Variants in PRKG1 observed in about 807,000 individuals in gnomAD.
PRKG1 encodes cGMP-dependent protein kinase 1.
A neutral mutation model predicts 88.1 loss-of-function variants in PRKG1; 35 were observed. The ratio of observed to expected loss-of-function variants is 0.40; its 90% confidence interval spans 0.30 to 0.53. The LOEUF is 0.53. PRKG1 is among the 20% of genes least tolerant of loss of function. PRKG1 has a pLI of 0.59. For missense variants in PRKG1, 540 were observed against 839.8 expected, an observed-to-expected ratio of 0.64 and a Z score of 4.41; for synonymous variants, 303 against 292.5, an observed-to-expected ratio of 1.04 and a Z score of -0.37.
At chr10:52,092,083 G>GATTTAAC (rs1477074221) in intron 7 of PRKG1, among the ~76,000 whole-genome samples, 186 of 152,180 alleles carry the variant, frequency 1.2e-3, no homozygotes, top group African/African-American at 4.2e-3. Context: ...TTAACTTGTG[G>GATTTAAC]TTCCTATATT....
chr10:51,721,230 A>AG (rs1350230004), intron 3 of PRKG1, among the ~76,000 whole-genome samples: 13 of 146,032 alleles, frequency 8.9e-5, no homozygotes, highest in Admixed American at 4.7e-4. Context: ...AAAAAAAAAA[A>AG]AAGAAAAAAA....
intron 3 of PRKG1, among the ~76,000 whole-genome samples, chr10:51,723,767 T>C (rs1470906531): frequency 6.6e-6 from 1 of 152,200 alleles, no homozygotes; most frequent in African/African-American, 2.4e-5. Context: ...AAACCTCAAA[T>C]GTTGAAATCC....
At chr10:51,427,668 A>G (rs1347265095) in intron 2 of PRKG1, among the ~76,000 whole-genome samples, 2 of 152,182 alleles carry the variant, frequency 1.3e-5, no homozygotes, top group African/African-American at 2.4e-5. Flanking sequence ...GGTGCTTACT[A>G]GAGCCCTGCT....
chr10:51,122,173 C>T (rs183711536), intron 1 of PRKG1, among the ~76,000 whole-genome samples: 7 of 152,288 alleles, frequency 4.6e-5, no homozygotes, highest in East Asian at 3.9e-4. Context: ...TAGCCTTCTT[C>T]GGAAGTCCCT....
At chr10:51,890,541 T>C (rs1187334996) in intron 4 of PRKG1, among the ~76,000 whole-genome samples, 1 of 152,242 alleles carries the variant, frequency 6.6e-6, no homozygotes, top group East Asian at 1.9e-4. Flanking sequence ...TTAGTACATA[T>C]GATAGTTAAA....
At chr10:51,743,633 T>TA (rs1837492464) in intron 3 of PRKG1, among the ~76,000 whole-genome samples, 4 of 65,948 alleles carry the variant, frequency 6.1e-5, no homozygotes, top group East Asian at 3.2e-4. Flanking sequence ...TTTAATTTAT[T>TA]TTATATATAT....
intron 2 of PRKG1, among the ~76,000 whole-genome samples, chr10:51,341,966 C>T (rs146334798): frequency 1.5e-3 from 230 of 152,158 alleles, no homozygotes; most frequent in African/African-American, 5.3e-3. Flanking sequence ...GGAAACCTCC[C>T]CCATGAGGTT....
intron 3 of PRKG1, among the ~76,000 whole-genome samples, chr10:51,628,309 T>C (rs1839426684): frequency 1.3e-5 from 2 of 151,344 alleles, no homozygotes; most frequent in African/African-American, 2.4e-5. Flanking sequence ...ACCACAGGTG[T>C]GTGCCACCAC....
In PRKG1 at chr10:51,787,008, T is replaced by C. The variant is rs117101688; in HGVS notation, c.593-17577T>C. Among the ~76,000 whole-genome samples the C allele has an allele frequency of 2.6e-4, 40 of 152,278 alleles. No individual in the cohort carries two copies. In the East Asian group the frequency reaches 7.5e-3, roughly 29 times the overall value. ...ATATAAATATTAAATCAGTAAAATA[T>C]TGATCTGAACATTTTTGGTCATTGT... On this transcript the variant is annotated intron_variant, in intron 3 of 17. Coordinates refer to ENST00000373980, the MANE Select transcript of PRKG1 (RefSeq NM_006258.4).
chr10:51,020,704 C>T (rs1440199258), intron 1 of PRKG1, among the ~76,000 whole-genome samples: 1 of 152,146 alleles, frequency 6.6e-6, no homozygotes, highest in Non-Finnish European at 1.5e-5. Flanking sequence ...AATTATGCCT[C>T]AGAAATTAAC....
chr10:52,191,344 T>C (rs1839359504), intron 9 of PRKG1, among the ~76,000 whole-genome samples: 1 of 151,924 alleles, frequency 6.6e-6, no homozygotes, highest in Admixed American at 6.6e-5. Context: ...TTTTTTTTTT[T>C]TCTTACAGAG....
At chr10:51,637,952 G>A (rs1007143667) in intron 3 of PRKG1, among the ~76,000 whole-genome samples, 3 of 152,116 alleles carry the variant, frequency 2.0e-5, no homozygotes, top group African/African-American at 7.2e-5. Flanking sequence ...AAAAGTGATT[G>A]TCAGCCTGGG....
Position 51,101,571 on chromosome 10 carries a change from T to C in PRKG1, c.311+26670T>C, listed in dbSNP as rs116949067. ...CCTATCATTTTAGTATATGACATGATTTCTAGTTAGCAATGGAAGATTAAA... is the reference window on the plus strand; with the variant it reads ...CCTATCATTTTAGTATATGACATGACTTCTAGTTAGCAATGGAAGATTAAA... On this transcript the variant is annotated intron_variant, in intron 1 of 17. Transcript: ENST00000373980. Among the ~76,000 whole-genome samples the C allele has an allele frequency of 4.2e-3, 641 of 152,306 alleles. 2 individuals are homozygous for C. Among genetic ancestry groups the C allele is most frequent in the Non-Finnish European group, 7.6e-3 (517 of 68,024 alleles).
At chr10:51,499,515 T>G (rs1333294096) in intron 3 of PRKG1, among the ~76,000 whole-genome samples, 2 of 152,204 alleles carry the variant, frequency 1.3e-5, no homozygotes, top group Non-Finnish European at 1.5e-5. Context: ...TATCTAATTA[T>G]CTACTTAAAC....
intron 3 of PRKG1, among the ~76,000 whole-genome samples, chr10:51,602,732 ATGTGTGTG>A (rs4041278): frequency 0.025 from 3,161 of 128,850 alleles, 95 homozygotes; most frequent in East Asian, 0.037. Flanking sequence ...ATTAATATAT[ATGTGTGTG>A]TGTGTGTGTG....
chr10:52,120,932 A>G (rs915681584), intron 7 of PRKG1, among the ~76,000 whole-genome samples: 16 of 152,056 alleles, frequency 1.1e-4, no homozygotes, highest in African/African-American at 3.9e-4. Flanking sequence ...CAAGCTGTCC[A>G]CGACATCTTG....
At chr10:51,773,872 C>G (rs73347249) in intron 3 of PRKG1, among the ~76,000 whole-genome samples, 130 of 152,090 alleles carry the variant, frequency 8.5e-4, no homozygotes, top group African/African-American at 2.9e-3. Context: ...GATTCAGAAG[C>G]CTTAGTTCCC....
intron 2 of PRKG1, among the ~76,000 whole-genome samples, chr10:51,423,887 G>T (rs941337650): frequency 6.6e-6 from 1 of 151,966 alleles, no homozygotes. Context: ...TAAAAATAGG[G>T]CATAAATTGA....
intron 9 of PRKG1, among the ~76,000 whole-genome samples, chr10:52,201,616 A>G (rs1270200801): frequency 1.3e-5 from 2 of 152,088 alleles, no homozygotes; most frequent in Non-Finnish European, 2.9e-5. Context: ...GATAGTAATA[A>G]TACCGAATCT....
Sources: gnomAD v4.1 joint callset for allele counts (sites outside exome capture counted in the v4.1 genomes callset) on GRCh38, gnomAD v4.1.1 for gene constraint, MANE v1.5 for transcripts, NCBI Gene and HGNC (gene_info 2026-07-23, HGNC 2026-07-21) for gene names.